The following CRYBG2 variants were observed in gnomAD, a reference collection of about 807,000 sequenced individuals.
The protein encoded by CRYBG2 is beta/gamma crystallin domain-containing protein 2.
In CRYBG2, 106 loss-of-function variants were observed where a neutral mutation model predicts 153.4. The ratio of observed to expected loss-of-function variants is 0.69; its 90% CI spans 0.59 to 0.81. The LOEUF is 0.81. CRYBG2 is among the 30% of genes least tolerant of loss of function. CRYBG2 has a pLI of 0.00. For missense variants in CRYBG2, 1,996 were observed against 2,112.0 expected (o/e 0.95, Z 1.08); for synonymous variants, 851 against 877.8 (o/e 0.97, Z 0.54).
rs1160275519 is a variant in CRYBG2, at chr1:26,344,833, A to G, written c.1825T>C (p.Ser609Pro). The change falls in exon 2 of 20, where the codon TCA becomes CCA. Residue 609 changes from serine to proline, a missense_variant. Ser to Pro is a moderately conservative substitution (Grantham distance 74, BLOSUM62 -1). Coordinates refer to ENST00000308182, the MANE Select transcript of CRYBG2 (RefSeq NM_001039775.4). ...ACCACCTCCTTCTGGGTGGGAGATG[A>G]GGCAGCAGGAGCACAGGGGCCCTTC... ...VVKGPCAPAASSPTQKEVVQG... is the reference protein window; with the variant it reads ...VVKGPCAPAAPSPTQKEVVQG... 1 of 1,533,548 alleles carries G rather than the reference A, an allele frequency of 6.5e-7. No homozygotes were observed. Among genetic ancestry groups the G allele is most frequent in the Non-Finnish European group, 8.7e-7 (1 of 1,145,834 alleles). 95.0% of individuals were successfully genotyped at this position (1,533,548 alleles called of 1,614,324 possible). A position where few individuals can be genotyped will look rare whatever the true frequency, so the allele number is the denominator to read the frequency against.
intron 1 of CRYBG2, among the ~76,000 whole-genome samples, chr1:26,348,534 A>G (rs757412801): frequency 2.0e-5 from 3 of 152,098 alleles, no homozygotes; most frequent in Non-Finnish European, 4.4e-5. Context: ...CCTGAGTGAC[A>G]GAGAGATCTT....
rs750959797 is a variant in CRYBG2 at position 26,343,878 on chromosome 1, C to T, written c.2780G>A (p.Gly927Asp). The T allele has an allele frequency of 2.6e-6, 4 of 1,513,630 alleles. No homozygotes were observed. The South Asian group carries it at 5.1e-5, about 19-fold the overall frequency. The allele number at this position is 1,513,630 out of a possible 1,614,324, so 93.8% of individuals were successfully genotyped here. A position where few individuals can be genotyped will look rare whatever the true frequency, so the allele number is the denominator to read the frequency against. Residue 927 changes from glycine (G) to aspartate (D), a missense_variant, in exon 2 of 20, where the codon GGC becomes GAC. Coordinates refer to ENST00000308182, the MANE Select transcript of CRYBG2 (RefSeq NM_001039775.4). This position sits in a 1 kb window ranked among gnomAD's most constrained non-coding sequence, Gnocchi z 4.1. ...GGGCAGCAGAGCAGATAGTTTTGTG[C>T]CCAGCGGTTCCGGGGTGGAGGCCTC... ...AKEASTPEPL[G>D]TKLSALLPHG... is the part of the protein sequence containing the mutation.
intron 14 of CRYBG2, among the ~76,000 whole-genome samples, chr1:26,332,187 G>GT (rs1384812830): frequency 1.3e-5 from 2 of 151,428 alleles, no homozygotes; most frequent in African/African-American, 2.4e-5. Flanking sequence ...GGCACCTGTA[G>GT]TCCCAGCTAC....
chr1:26,322,249 G>T lies in CRYBG2; in HGVS notation c.4812C>A (p.Ser1604Arg). 1 of 1,614,038 alleles carries T rather than the reference G, an allele frequency of 6.2e-7. No homozygotes were observed. Among genetic ancestry groups the T allele is most frequent in the Non-Finnish European group, 8.5e-7 (1 of 1,180,030 alleles). ...TGCTCCACGTCTGGCGCGGCAGGCG[G>T]CTCTCGGCCCACAGCACCACCTTGG... ...PGSKVVLWAE[S>R]RLPRQTWSIS... The change falls in exon 19 of 20, where the codon AGC becomes AGA. Residue 1604 changes from serine (S) to arginine (R), a missense_variant. Coordinates refer to ENST00000308182, the MANE Select transcript of CRYBG2 (RefSeq NM_001039775.4).
chr1:26,321,889 G>A lies in CRYBG2; in HGVS notation c.*79C>T. The A allele has an allele frequency of 7.9e-7, 1 of 1,267,796 alleles. No homozygotes were observed. Among genetic ancestry groups the A allele is most frequent in the African/African-American group, 1.5e-5 (1 of 66,230 alleles). 78.5% of individuals were successfully genotyped at this position (1,267,796 alleles called of 1,614,324 possible). A position where few individuals can be genotyped will look rare whatever the true frequency, so the allele number is the denominator to read the frequency against. Reference sequence around the variant, plus strand: ...GTACCTGGCAGCATATTAGAAAATAGCTTATGTTACAACAAAAACCCTATA... The same window carrying A: ...GTACCTGGCAGCATATTAGAAAATAACTTATGTTACAACAAAAACCCTATA... On this transcript the variant is annotated 3_prime_UTR_variant, in exon 20 of 20. Coordinates refer to ENST00000308182, the MANE Select transcript of CRYBG2 (RefSeq NM_001039775.4).
intron 8 of CRYBG2, 102 bp downstream of exon 8, chr1:26,337,910 C>G: frequency 1.4e-6 from 2 of 1,470,966 alleles, no homozygotes; most frequent in Non-Finnish European, 1.8e-6. Context: ...GCTTCTGGCC[C>G]CCAGTGCCCT....
rs2073906296 is a variant in CRYBG2, at chr1:26,325,038, G to A, written c.4579-728C>T. On this transcript the variant is annotated intron_variant, in intron 17 of 19. Coordinates refer to ENST00000308182, the MANE Select transcript of CRYBG2 (RefSeq NM_001039775.4). The surrounding 1 kb of genome is among the most constrained non-coding windows in gnomAD (Gnocchi z 4.1). ...ATCCTCATTTTAAAGATGAGGAAAC[G>A]AAGGTCTAAGGAGGTACAGTACTTG... 6.6e-6 allele frequency: 1 copy of A among 152,166 alleles called. No individual in the cohort carries two copies. The highest frequency in any genetic ancestry group is 2.4e-5 in the African/African-American group (1 of 41,428). 9.4% of individuals were successfully genotyped at this position (152,166 alleles called of 1,614,324 possible).
At position 26,346,705 on chromosome 1, in the gene CRYBG2, C is replaced by A. The variant is rs1057314444; in HGVS notation, c.-48G>T. On this transcript the variant is annotated 5_prime_UTR_variant, in exon 2 of 20. Transcript: ENST00000308182. The surrounding 1 kb of genome is among the most constrained non-coding windows in gnomAD (Gnocchi z 4.9). ...GGAGGTGTCCTTGTCCCACTGTGGT[C>A]CAGCTCCCTGCAGAGGAATAAGAAA... is the stretch of plus-strand genomic sequence containing the variant. 1 of 1,469,344 alleles carries A rather than the reference C, an allele frequency of 6.8e-7. No individual in the cohort carries two copies. The highest frequency in any genetic ancestry group is 1.4e-5 in the African/African-American group (1 of 70,214). 91.0% of individuals were successfully genotyped at this position (1,469,344 alleles called of 1,614,324 possible). A position where few individuals can be genotyped will look rare whatever the true frequency, so the allele number is the denominator to read the frequency against.
At position 26,344,957 on chromosome 1, in the gene CRYBG2, C is replaced by A; in HGVS notation, c.1701G>T (p.Gln567His). 1 of 1,535,570 alleles carries A rather than the reference C, an allele frequency of 6.5e-7. No individual in the cohort carries two copies. The highest frequency in any genetic ancestry group is 2.4e-5 in the East Asian group (1 of 40,986). Residue 567 changes from glutamine to histidine, a missense_variant, in exon 2 of 20, where the codon CAG becomes CAT. Gln to His is a conservative substitution (Grantham distance 24, BLOSUM62 0). Transcript: ENST00000308182. ...ASSPTQKEVV[Q>H]GSGAPAALST... ...ACAAGGCAGCAGGAGCACCAGACCC[C>A]TGCACCACCTCCTTCTGGGTGGGGG...
Position 26,336,396 on chromosome 1 carries a change from T to C in CRYBG2, c.4039-26A>G. The stretch of plus-strand genomic sequence containing the variant: ...CTGAAGGTAGGGACCGAATCGAGAA[T>C]TAGGGAGGGTGCCGGCCCCTAGCCT... On this transcript the variant is annotated intron_variant, in intron 12 of 19. Transcript: ENST00000308182. The surrounding 1 kb of genome is among the most constrained non-coding windows in gnomAD (Gnocchi z 4.9). The C allele has an allele frequency of 6.2e-7, 1 of 1,612,130 alleles. No individual in the cohort carries two copies. The highest frequency in any genetic ancestry group is 8.5e-7 in the Non-Finnish European group (1 of 1,179,092).
At chr1:26,347,644 C>T (rs894010743) in intron 1 of CRYBG2, among the ~76,000 whole-genome samples, 4 of 151,930 alleles carry the variant, frequency 2.6e-5, no homozygotes, top group African/African-American at 7.3e-5. Context: ...TGCCCTCCAC[C>T]ACGCCCAGAT....
At chr1:26,351,815 G>C (rs147895085) in intron 1 of CRYBG2, among the ~76,000 whole-genome samples, 3 of 152,256 alleles carry the variant, frequency 2.0e-5, no homozygotes, top group Non-Finnish European at 4.4e-5. Flanking sequence ...ATGAGTGCTA[G>C]AATGTCCTTC....
Position 26,328,063 on chromosome 1 carries a change from C to T in CRYBG2, c.4578+146G>A, listed in dbSNP as rs1422276604. 1.8e-5 allele frequency: 21 copies of T among 1,146,112 alleles called. 1 individual carries two copies. In the African/African-American group the frequency reaches 2.1e-4, roughly 11 times the overall value. The allele number at this position is 1,146,112 out of a possible 1,614,324, so 71.0% of individuals were successfully genotyped here. A position where few individuals can be genotyped will look rare whatever the true frequency, so the allele number is the denominator to read the frequency against. ...GAGAAAAATATTAAGTAGACAATGG[C>T]TCAAGAGGAATGACGATGTGGCAAA... On this transcript the variant is annotated intron_variant, in intron 17 of 19. Transcript: ENST00000308182.
chr1:26,336,753 G>C lies in CRYBG2; in HGVS notation c.3912-21C>G, dbSNP rs1162138604. 1 of 1,577,698 alleles carries C rather than the reference G, an allele frequency of 6.3e-7. No individual in the cohort carries two copies. The highest frequency in any genetic ancestry group is 1.3e-5 in the African/African-American group (1 of 74,152). On this transcript the variant is annotated intron_variant, in intron 11 of 19. Transcript: ENST00000308182. The surrounding 1 kb of genome is among the most constrained non-coding windows in gnomAD (Gnocchi z 4.9). Reference sequence around the variant, plus strand: ...CCCACCTGCAGGAAGGGCGGGGCGCGAGTCAGCTGGGACGGAGCCTGCACC... The same window carrying C: ...CCCACCTGCAGGAAGGGCGGGGCGCCAGTCAGCTGGGACGGAGCCTGCACC...
In CRYBG2 at chr1:26,345,954, A is replaced by G. The variant is rs1288943986; in HGVS notation, c.704T>C (p.Val235Ala). Residue 235 changes from valine to alanine, a missense_variant, in exon 2 of 20, where the codon GTG (valine) becomes GCG (alanine). Physicochemically the swap from Val to Ala is moderately conservative, Grantham distance 64. Coordinates refer to ENST00000308182, the MANE Select transcript of CRYBG2 (RefSeq NM_001039775.4). ...PPGSPSRSQA[V>A]KVLSNLVPAG... ...AGGCACGAGGTTACTTAGCACTTTCACGGCCTGGCTGCGGCTGGGCGAGCC... is the reference window on the plus strand; with the variant it reads ...AGGCACGAGGTTACTTAGCACTTTCGCGGCCTGGCTGCGGCTGGGCGAGCC... The G allele has an allele frequency of 1.9e-6, 3 of 1,594,484 alleles. No individual in the cohort carries two copies. The African/African-American group carries it at 4.0e-5, about 21-fold the overall frequency.
rs1181002906 is a variant in CRYBG2 at position 26,344,483 on chromosome 1, TG to T, written c.2174del (p.Pro725GlnfsTer115). On this transcript the variant is annotated frameshift_variant, in exon 2 of 20. Coordinates refer to ENST00000308182, the MANE Select transcript of CRYBG2 (RefSeq NM_001039775.4). LOFTEE classifies it high-confidence loss of function. ...TGCTGGCCTCTGCTCCTGTTGGCAC[TG>T]GGGCAGGGGTGCCTCCTGGGCTGGG... ...VSPSPGGTPA[P>X]VPTGAEASTE... is the part of the protein sequence containing the mutation. 5 of 1,541,804 alleles carry T rather than the reference TG, an allele frequency of 3.2e-6. No homozygotes were observed. Among genetic ancestry groups the T allele is most frequent in the Admixed American group, 2.0e-5 (1 of 50,400 alleles).
rs1332432962 is a variant in CRYBG2 at position 26,325,629 on chromosome 1, A to ACG, written c.4579-1320_4579-1319insCG. On this transcript the variant is annotated intron_variant, in intron 17 of 19. Transcript: ENST00000308182. The surrounding 1 kb of genome is among the most constrained non-coding windows in gnomAD (Gnocchi z 4.1). ...CACAGATACACACACACACACACACACACACACACAGGTCATCACCAGAGC... is the reference window on the plus strand; with the variant it reads ...CACAGATACACACACACACACACACACGCACACACACAGGTCATCACCAGAGC... Among the ~76,000 whole-genome samples, 1 of 151,948 alleles carries ACG rather than the reference A, an allele frequency of 6.6e-6. No individual in the cohort carries two copies. The highest frequency in any genetic ancestry group is 1.5e-5 in the Non-Finnish European group (1 of 67,970).
At chr1:26,341,953 G>A (rs1163937402) in intron 5 of CRYBG2, among the ~76,000 whole-genome samples, 1 of 152,084 alleles carries the variant, frequency 6.6e-6, no homozygotes, top group Non-Finnish European at 1.5e-5. Context: ...TGGCTATATG[G>A]CGTCCCTGCT....
Position 26,344,021 on chromosome 1 carries a change from ATGCTTCT to A in CRYBG2, c.2630_2636del (p.Lys877MetfsTer2). 1 of 1,536,102 alleles carries A rather than the reference ATGCTTCT, an allele frequency of 6.5e-7. No homozygotes were observed. The highest frequency in any genetic ancestry group is 8.7e-7 in the Non-Finnish European group (1 of 1,146,896). ...AGTGGGGGCCCTTGGTTCCTGCTAC[ATGCTTCT>A]TCATCATCTCCAGAGGAGAGCAGGA... On this transcript the variant is annotated frameshift_variant, in exon 2 of 20. Transcript: ENST00000308182. LOFTEE classifies it high-confidence loss of function.
Sources: allele counts gnomAD v4.1 joint callset (sites outside exome capture counted in the v4.1 genomes callset), GRCh38; gene constraint gnomAD v4.1.1; non-coding constraint Gnocchi (gnomAD v3.1); transcripts MANE v1.5; gene names NCBI Gene and HGNC (gene_info 2026-07-23, HGNC 2026-07-21).